GALNTL6: variants seen among roughly 807,000 people sequenced by gnomAD.
GALNTL6 encodes the protein polypeptide N-acetylgalactosaminyltransferase like 6, also known as polypeptide N-acetylgalactosaminyltransferase-like 6.
In GALNTL6, 46 loss-of-function variants were observed where a neutral mutation model predicts 73.7. The ratio of observed to expected loss-of-function variants is 0.62; its 90% CI spans 0.49 to 0.80. The LOEUF is 0.80. Ranked by LOEUF, GALNTL6 falls within the 30% of genes least tolerant of loss-of-function variation. GALNTL6 has a pLI of 0.00. For synonymous variants in GALNTL6, 259 were observed against 263.7 expected (o/e 0.98, Z 0.17); for missense variants, 604 against 755.0 (o/e 0.80, Z 2.34).
intron 2 of GALNTL6, among the ~76,000 whole-genome samples, chr4:172,171,802 C>G (rs72700976): frequency 0.064 from 9,746 of 152,092 alleles, 515 homozygotes; most frequent in African/African-American, 0.15. Flanking sequence ...TCCAGCCTGG[C>G]TGTCAAAGTG....
intron 5 of GALNTL6, among the ~76,000 whole-genome samples, chr4:172,562,061 G>T (rs1041310537): frequency 1.3e-5 from 2 of 151,986 alleles, no homozygotes; most frequent in Admixed American, 6.6e-5. Context: ...TATTCATAGG[G>T]TGGGTATGAT....
intron 4 of GALNTL6, among the ~76,000 whole-genome samples, chr4:172,315,904 A>G (rs1020632691): frequency 5.9e-5 from 9 of 152,100 alleles, no homozygotes; most frequent in Non-Finnish European, 7.4e-5. Context: ...ACCTTATTTA[A>G]CTTATAGTTC....
At chr4:172,151,130 AC>A (rs1359770348) in intron 2 of GALNTL6, among the ~76,000 whole-genome samples, 1 of 152,200 alleles carries the variant, frequency 6.6e-6, no homozygotes, top group Admixed American at 6.5e-5. Flanking sequence ...ACATCTGGTT[AC>A]CATTCTATCT....
chr4:172,727,237 C>T (rs529170995), intron 5 of GALNTL6, among the ~76,000 whole-genome samples: 5 of 152,262 alleles, frequency 3.3e-5, no homozygotes, highest in East Asian at 1.9e-4. Context: ...TAAGAAATAA[C>T]GCTGTAGTCA....
chr4:172,545,092 G>A (rs1023000784), intron 5 of GALNTL6, among the ~76,000 whole-genome samples: 4 of 151,860 alleles, frequency 2.6e-5, no homozygotes, highest in Admixed American at 2.0e-4. Flanking sequence ...CTCCTCCAGT[G>A]GATAATTTTA....
intron 4 of GALNTL6, among the ~76,000 whole-genome samples, chr4:172,335,082 A>G (rs1741266103): frequency 2.0e-5 from 3 of 150,898 alleles, no homozygotes; most frequent in Admixed American, 6.6e-5. Context: ...CCAGGTTCAC[A>G]CCATACAGGC....
At chr4:172,163,062 T>C (rs1045489395) in intron 2 of GALNTL6, among the ~76,000 whole-genome samples, 3 of 152,054 alleles carry the variant, frequency 2.0e-5, no homozygotes, top group African/African-American at 7.2e-5. Flanking sequence ...GTGAAAGTTT[T>C]ATGTACATTT....
At chr4:171,946,145 G>A (rs1738696495) in intron 2 of GALNTL6, among the ~76,000 whole-genome samples, 1 of 152,096 alleles carries the variant, frequency 6.6e-6, no homozygotes, top group Non-Finnish European at 1.5e-5. Context: ...TAGAATTTCA[G>A]AATGTTCCAA....
At chr4:172,927,602 C>A (rs1308904487) in intron 8 of GALNTL6, among the ~76,000 whole-genome samples, 1 of 152,088 alleles carries the variant, frequency 6.6e-6, no homozygotes, top group East Asian at 1.9e-4. Context: ...GATGATTCAG[C>A]AGCAAGGGGC....
At chr4:172,657,946 C>G (rs534516028) in intron 5 of GALNTL6, among the ~76,000 whole-genome samples, 40 of 150,290 alleles carry the variant, frequency 2.7e-4, no homozygotes, top group Non-Finnish European at 4.4e-4. Context: ...GTCAGGAGAT[C>G]GAGACCATCC....
At chr4:172,916,576 A>C (rs1016374288) in intron 8 of GALNTL6, among the ~76,000 whole-genome samples, 4 of 152,158 alleles carry the variant, frequency 2.6e-5, no homozygotes, top group African/African-American at 9.7e-5. Flanking sequence ...AATGTGCAAA[A>C]ATCACAAGCA....
chr4:171,927,939 T>C (rs1738037411), intron 2 of GALNTL6, among the ~76,000 whole-genome samples: 1 of 152,188 alleles, frequency 6.6e-6, no homozygotes, highest in Non-Finnish European at 1.5e-5. Context: ...ACCTATCTAT[T>C]CATTACATAT....
At chr4:172,877,321 T>A (rs1017246124) in intron 7 of GALNTL6, among the ~76,000 whole-genome samples, 1 of 152,118 alleles carries the variant, frequency 6.6e-6, no homozygotes, top group Non-Finnish European at 1.5e-5. Context: ...CACCTTTTTT[T>A]TCATTTATGG....
intron 2 of GALNTL6, among the ~76,000 whole-genome samples, chr4:171,996,116 C>A (rs1041684636): frequency 6.6e-6 from 1 of 152,018 alleles, no homozygotes; most frequent in Non-Finnish European, 1.5e-5. Flanking sequence ...TTCTTGAATC[C>A]GTACACTTAA....
chr4:172,360,648 T>C (rs1332853859), intron 5 of GALNTL6, among the ~76,000 whole-genome samples: 1 of 151,822 alleles, frequency 6.6e-6, no homozygotes, highest in Admixed American at 6.6e-5. Flanking sequence ...GTACCGTCTA[T>C]GTAGGATGAG....
intron 3 of GALNTL6, among the ~76,000 whole-genome samples, chr4:172,242,706 C>A: frequency 6.6e-6 from 1 of 152,132 alleles, no homozygotes; most frequent in East Asian, 1.9e-4. Context: ...TCATTTTATT[C>A]ATTTACTAAT....
At chr4:172,127,368 G>A (rs1282173366) in intron 2 of GALNTL6, among the ~76,000 whole-genome samples, 1 of 152,212 alleles carries the variant, frequency 6.6e-6, no homozygotes, top group Non-Finnish European at 1.5e-5. Context: ...CATCCAGCCT[G>A]CCACTACCAC....
intron 11 of GALNTL6, among the ~76,000 whole-genome samples, chr4:173,014,170 T>G (rs1327325226): frequency 6.6e-6 from 1 of 152,238 alleles, no homozygotes; most frequent in African/African-American, 2.4e-5. Context: ...TGGTGGTGAC[T>G]AACGTGGTTT....
intron 5 of GALNTL6, among the ~76,000 whole-genome samples, chr4:172,438,881 G>T (rs910521045): frequency 6.6e-6 from 1 of 151,920 alleles, no homozygotes; most frequent in Non-Finnish European, 1.5e-5. Flanking sequence ...AGGGGGCTCA[G>T]ACAAGAATTT....
Sources: allele counts gnomAD v4.1 joint callset (sites outside exome capture counted in the v4.1 genomes callset), GRCh38; gene constraint gnomAD v4.1.1; transcripts MANE v1.5; gene names NCBI Gene and HGNC (gene_info 2026-07-23, HGNC 2026-07-21).